Variants in ZC3H12B observed in about 807,000 individuals in gnomAD.
The protein encoded by ZC3H12B is probable ribonuclease ZC3H12B.
A neutral mutation model predicts 43.9 loss-of-function variants in ZC3H12B; 7 were observed. The ratio of observed to expected loss-of-function variants is 0.16; its 90% CI spans 0.09 to 0.30. The LOEUF (loss-of-function observed/expected upper bound fraction) is 0.30, where lower values mean the gene tolerates loss of function less well. Among genes scored for constraint, ZC3H12B ranks in the 10% least tolerant of loss-of-function variants. ZC3H12B has a pLI of 1.00. For missense variants in ZC3H12B, 475 were observed against 670.2 expected, an observed-to-expected ratio of 0.71 and a Z score of 3.22; for synonymous variants, 222 against 241.7, an observed-to-expected ratio of 0.92 and a Z score of 0.76.
the ZC3H12B span, among the ~76,000 whole-genome samples, chrX:65,220,435 C>A: frequency 1.8e-5 from 2 of 111,862 alleles, no homozygotes; most frequent in Admixed American, 9.5e-5. Context: ...AACCCACAAA[C>A]CAAATATCTG....
chrX:65,217,091 GC>G, the ZC3H12B span, among the ~76,000 whole-genome samples: 3 of 111,577 alleles, frequency 2.7e-5, no homozygotes, highest in African/African-American at 6.5e-5. Flanking sequence ...ACTCCAGGCA[GC>G]TCAGCACTGA....
chrX:65,278,344 T>C, the ZC3H12B span, among the ~76,000 whole-genome samples: 1 of 111,307 alleles, frequency 9.0e-6, no homozygotes, highest in Non-Finnish European at 1.9e-5. Flanking sequence ...TTACCCTATA[T>C]GGTCTAAAAA....
At chrX:65,430,040 G>A (rs907444611) in intron 3 of ZC3H12B, among the ~76,000 whole-genome samples, 2 of 112,394 alleles carry the variant, frequency 1.8e-5, no homozygotes, top group African/African-American at 6.5e-5. Context: ...ATGGAAAGGG[G>A]GCCTGCAGAA....
At chrX:65,207,441 C>G in the ZC3H12B span, among the ~76,000 whole-genome samples, 1 of 110,456 alleles carries the variant, frequency 9.1e-6, no homozygotes, top group Admixed American at 9.7e-5. Flanking sequence ...TATGAGGATG[C>G]AAAAGCATAA....
At chrX:65,449,058 AGAAG>A (rs1224517796) in intron 3 of ZC3H12B, among the ~76,000 whole-genome samples, 1 of 107,614 alleles carries the variant, frequency 9.3e-6, no homozygotes, top group Non-Finnish European at 1.9e-5. Context: ...AAAGAAAGAA[AGAAG>A]GAAGGAAAGA....
chrX:65,147,126 G>A, the ZC3H12B span, among the ~76,000 whole-genome samples: 18 of 111,826 alleles, frequency 1.6e-4, no homozygotes, highest in Admixed American at 1.2e-3. Context: ...TTATACTCTC[G>A]TGGTTGGAAA....
chrX:65,299,336 G>C, the ZC3H12B span, among the ~76,000 whole-genome samples: 1 of 111,732 alleles, frequency 8.9e-6, no homozygotes, highest in African/African-American at 3.3e-5. Flanking sequence ...ACACAATAAA[G>C]GAAAACTACT....
the ZC3H12B span, among the ~76,000 whole-genome samples, chrX:65,198,746 G>A: frequency 1.2e-4 from 13 of 111,518 alleles, no homozygotes; most frequent in African/African-American, 3.9e-4. Context: ...TCTTTCTCTA[G>A]GTTTGGGAAG....
chrX:65,113,242 C>CA, the ZC3H12B span, among the ~76,000 whole-genome samples: 25 of 111,383 alleles, frequency 2.2e-4, no homozygotes, highest in African/African-American at 7.8e-4. Flanking sequence ...TATGGCTCAG[C>CA]AAAAAAGTGG....
At chrX:65,058,045 G>A in the ZC3H12B span, among the ~76,000 whole-genome samples, 13 of 111,823 alleles carry the variant, frequency 1.2e-4, no homozygotes, top group African/African-American at 1.6e-4. Context: ...CCTTTAGCTC[G>A]GAGAAGTTTG....
At chrX:65,443,694 G>A (rs761342541) in intron 3 of ZC3H12B, among the ~76,000 whole-genome samples, 6 of 112,352 alleles carry the variant, frequency 5.3e-5, no homozygotes, top group African/African-American at 9.7e-5. Flanking sequence ...CAGCCTGGGC[G>A]GGCCAGGTGT....
At chrX:65,393,129 T>C (rs1035883206) in intron 2 of ZC3H12B, among the ~76,000 whole-genome samples, 12 of 111,116 alleles carry the variant, frequency 1.1e-4, no homozygotes, top group Non-Finnish European at 2.1e-4. Flanking sequence ...CAGGGTCCTC[T>C]GCCTAGGAAA....
chrX:65,128,386 A>G, the ZC3H12B span, among the ~76,000 whole-genome samples: 6 of 112,210 alleles, frequency 5.3e-5, no homozygotes, highest in Non-Finnish European at 9.4e-5. Context: ...ACTTTCTGTT[A>G]TCAATTTCTA....
chrX:65,358,820 CTTTTCAACAGA>C, the ZC3H12B span, among the ~76,000 whole-genome samples: 147 of 111,399 alleles, frequency 1.3e-3, 2 homozygotes, highest in Middle Eastern at 4.6e-3. Flanking sequence ...AGAAGGCAAG[CTTTTCAACAGA>C]TTTTCAATGT....
chrX:65,332,299 G>T, the ZC3H12B span, among the ~76,000 whole-genome samples: 1 of 111,031 alleles, frequency 9.0e-6, no homozygotes, highest in Non-Finnish European at 1.9e-5. Context: ...GAGGAGCTCA[G>T]TCAGAAAGCA....
chrX:65,158,636 A>C, the ZC3H12B span, among the ~76,000 whole-genome samples: 1 of 110,892 alleles, frequency 9.0e-6, no homozygotes, highest in African/African-American at 3.3e-5. Context: ...TTTTTCTTGT[A>C]AATTTGTTTG....
chrX:65,213,888 AATATAT>A, the ZC3H12B span, among the ~76,000 whole-genome samples: 1 of 105,770 alleles, frequency 9.5e-6, no homozygotes, highest in African/African-American at 3.7e-5. Flanking sequence ...GTAAAAAAAA[AATATAT>A]ATATACATAT....
chrX:65,412,261 G>C (rs545421145), intron 3 of ZC3H12B, among the ~76,000 whole-genome samples: 1 of 111,494 alleles, frequency 9.0e-6, no homozygotes, highest in South Asian at 3.8e-4. Flanking sequence ...TTTGTGCCTT[G>C]CTTCTTTCAT....
At chrX:65,072,111 C>T in the ZC3H12B span, among the ~76,000 whole-genome samples, 62 of 111,863 alleles carry the variant, frequency 5.5e-4, no homozygotes, top group Admixed American at 8.5e-4. Context: ...GGTCTCTTTA[C>T]GTAATCTCAT....
Sources: allele counts gnomAD v4.1 joint callset (sites outside exome capture counted in the v4.1 genomes callset), GRCh38; gene constraint gnomAD v4.1.1; transcripts MANE v1.5; gene names NCBI Gene and HGNC (gene_info 2026-07-23, HGNC 2026-07-21).